The following NOD2 variants were observed in gnomAD, a reference collection of about 807,000 sequenced individuals.
NOD2 encodes nucleotide-binding oligomerization domain-containing protein 2.
In NOD2, 86 loss-of-function variants were observed where a neutral mutation model predicts 90.9. That is an observed-to-expected ratio of 0.95 (90% confidence interval 0.79 to 1.13). NOD2 has a LOEUF of 1.13. Ranked by LOEUF, NOD2 falls within the 50% of genes most tolerant of loss-of-function variation. The pLI, the probability that NOD2 is intolerant of heterozygous loss-of-function variation, is 0.00. For missense variants in NOD2, 1,238 were observed against 1,283.8 expected (o/e 0.96, Z 0.55); for synonymous variants, 581 against 554.6 (o/e 1.05, Z -0.67).
At position 50,732,580 on chromosome 16, in the gene NOD2, T is replaced by C. The variant is rs1196360699; in HGVS notation, c.*761T>C. 6.6e-6 allele frequency: 1 copy of C among 152,476 alleles called. No homozygotes were observed. Among genetic ancestry groups the C allele is most frequent in the Non-Finnish European group, 1.5e-5 (1 of 68,136 alleles). The allele number at this position is 152,476 out of a possible 1,614,324, so 9.4% of individuals were successfully genotyped here. On this transcript the variant is annotated 3_prime_UTR_variant, in exon 12 of 12. Coordinates refer to ENST00000647318, the MANE Select transcript of NOD2 (RefSeq NM_001370466.1). Reference sequence around the variant, plus strand: ...TCCAGCTGGGATCACATGTGGACTTTTATTTCCAGTGAAATCAGTTACTCT... The same window carrying C: ...TCCAGCTGGGATCACATGTGGACTTCTATTTCCAGTGAAATCAGTTACTCT...
chr16:50,708,644 T>C (rs1480302520), intron 3 of NOD2, among the ~76,000 whole-genome samples: 1 of 152,136 alleles, frequency 6.6e-6, no homozygotes, highest in Non-Finnish European at 1.5e-5. Context: ...GAAATGTCAG[T>C]TGTAAAGAGA....
Position 50,711,954 on chromosome 16 carries a change from G to A in NOD2, c.1962G>A (p.Leu654=), listed in dbSNP as rs1202890376. The change falls in exon 4 of 12, where the codon CTG becomes CTA. Residue 654 remains leucine, a synonymous_variant. Transcript: ENST00000647318. ...TCACAGCAGCCTTCCTGGCAGGGCT[G>A]TTGTCCCGGGAGCACTGGGGCCTGC... ...LQITAAFLAG[L]LSREHWGLLA... is the part of the protein sequence containing the mutation. 6.2e-7 allele frequency: 1 copy of A among 1,612,882 alleles called. No individual in the cohort carries two copies. Among genetic ancestry groups the A allele is most frequent in the Non-Finnish European group, 8.5e-7 (1 of 1,179,472 alleles).
rs768665692 is a variant in NOD2, at chr16:50,699,579, T to C, written c.84T>C (p.Ser28=). 6.2e-7 allele frequency: 1 copy of C among 1,613,790 alleles called. No individual in the cohort carries two copies. The highest frequency in any genetic ancestry group is 1.1e-5 in the South Asian group (1 of 91,076). The change falls in exon 2 of 12, where the codon AGT becomes AGC. Residue 28 remains serine, a synonymous_variant. Coordinates refer to ENST00000647318, the MANE Select transcript of NOD2 (RefSeq NM_001370466.1). ...CAGGGTCCCTGGAAGGCTTCGAGAG[T>C]GTCCTGGACTGGCTGCTGTCCTGGG... ...LVSGSLEGFE[S]VLDWLLSWEV... is the part of the protein sequence containing the mutation.
At chr16:50,708,837 G>A (rs1031597926) in intron 3 of NOD2, among the ~76,000 whole-genome samples, 3 of 152,198 alleles carry the variant, frequency 2.0e-5, no homozygotes, top group South Asian at 2.1e-4. Context: ...TGGCACTCGC[G>A]AGTGCACCGT....
Sources: gnomAD v4.1 joint callset for allele counts (sites outside exome capture counted in the v4.1 genomes callset) on GRCh38, gnomAD v4.1.1 for gene constraint, MANE v1.5 for transcripts, NCBI Gene and HGNC (gene_info 2026-07-23, HGNC 2026-07-21) for gene names.